Variants in CHRM3 observed in about 807,000 individuals in gnomAD.
CHRM3 encodes the protein muscarinic acetylcholine receptor M3.
CHRM3 carries 11 observed loss-of-function variants against 41.8 expected under a neutral mutation model. That is an observed-to-expected ratio of 0.26 (90% CI 0.17 to 0.44). The LOEUF is 0.44. Ranked by LOEUF, CHRM3 falls within the 20% of genes least tolerant of loss-of-function variation. The pLI, the probability that CHRM3 is intolerant of heterozygous loss-of-function variation, is 1.00. For missense variants in CHRM3, 571 were observed against 745.4 expected (o/e 0.77, Z 2.72); for synonymous variants, 297 against 301.4 (o/e 0.99, Z 0.15).
intron 5 of CHRM3, among the ~76,000 whole-genome samples, chr1:239,796,267 AG>A (rs1246131239): frequency 2.8e-4 from 43 of 152,342 alleles, no homozygotes; most frequent in African/African-American, 1.0e-3. Flanking sequence ...GAAAGAAAAT[AG>A]AATAATGATG....
chr1:239,835,580 C>T (rs1046567392), intron 6 of CHRM3, among the ~76,000 whole-genome samples: 10 of 152,056 alleles, frequency 6.6e-5, no homozygotes, highest in African/African-American at 2.2e-4. Flanking sequence ...GGTTTTCGAC[C>T]GTCAAAGCCT....
chr1:239,710,368 G>A (rs888277884), intron 5 of CHRM3, among the ~76,000 whole-genome samples: 5 of 152,086 alleles, frequency 3.3e-5, no homozygotes, highest in African/African-American at 1.2e-4. Flanking sequence ...GATCTAAGTT[G>A]GGCAAATATT....
At chr1:239,679,752 A>G (rs986242639) in intron 5 of CHRM3, among the ~76,000 whole-genome samples, 10 of 152,098 alleles carry the variant, frequency 6.6e-5, no homozygotes, top group African/African-American at 9.7e-5. Context: ...ACAAATTTGT[A>G]TGCATGATAA....
rs71168861 is a variant in CHRM3, at chr1:239,899,276, A to AGTGTGTGTGT, written c.-19-8134_-19-8125dup. On this transcript the variant is annotated intron_variant, in intron 6 of 6. Transcript: ENST00000676153. ...TAATTGGCTCTTGCATTTTGAACTC[A>AGTGTGTGTGT]GTGTGTGTGTGTGTGTGTGTGTGTG... 5.3e-3 allele frequency among the ~76,000 whole-genome samples: 707 copies of AGTGTGTGTGT among 134,616 alleles called. 8 individuals carry two copies. The highest frequency in any genetic ancestry group is 0.02 in the African/African-American group (646 of 32,712). The allele number at this position is 134,616 out of a possible 152,430, so 88.3% of individuals were successfully genotyped here. A position where few individuals can be genotyped will look rare whatever the true frequency, so the allele number is the denominator to read the frequency against.
intron 5 of CHRM3, among the ~76,000 whole-genome samples, chr1:239,752,551 T>C (rs982669890): frequency 1.3e-5 from 2 of 152,214 alleles, no homozygotes; most frequent in Admixed American, 6.5e-5. Flanking sequence ...ATTAGCTTGT[T>C]AGCAAAATAC....
chr1:239,559,287 G>A (rs762346244), intron 3 of CHRM3, among the ~76,000 whole-genome samples: 12 of 151,952 alleles, frequency 7.9e-5, no homozygotes, highest in Non-Finnish European at 1.8e-4. Flanking sequence ...ATATTTCTTG[G>A]GTTCATCAGT....
chr1:239,758,597 C>A (rs73122574), intron 5 of CHRM3, among the ~76,000 whole-genome samples: 3 of 152,098 alleles, frequency 2.0e-5, no homozygotes, highest in Non-Finnish European at 4.4e-5. Context: ...TTTGAGCTAA[C>A]TGAAATTATT....
chr1:239,799,735 A>G (rs896158343), intron 5 of CHRM3, among the ~76,000 whole-genome samples: 8 of 152,190 alleles, frequency 5.3e-5, no homozygotes, highest in African/African-American at 1.9e-4. Context: ...TCTGCCCAAC[A>G]TCAAACTGTA....
chr1:239,861,014 CCTTACAAGTCA>C (rs1033485096), intron 6 of CHRM3, among the ~76,000 whole-genome samples: 3 of 152,018 alleles, frequency 2.0e-5, no homozygotes, highest in African/African-American at 7.2e-5. Flanking sequence ...ATCTCCAATA[CCTTACAAGTCA>C]CTTAGCAGGA....
rs200709945 is a variant in CHRM3 at position 239,631,117 on chromosome 1, A to G, written c.-312-1107A>G. Among the ~76,000 whole-genome samples, 25 of 152,320 alleles carry G rather than the reference A, an allele frequency of 1.6e-4. No homozygotes were observed. The East Asian group carries it at 4.8e-3, about 29-fold the overall frequency. On this transcript the variant is annotated intron_variant, in intron 3 of 6. Coordinates refer to ENST00000676153, the MANE Select transcript of CHRM3 (RefSeq NM_001375978.1). ...CTTGTGAGCATAAATGTGCTTCTCA[A>G]ACTGAAGAAGGAGCAATTACTCTTG...
rs372655279 is a variant in CHRM3, at chr1:239,609,543, A to T, written c.-312-22681A>T. ...GAATGTCTGGTTGTATGGTAGGTAT[A>T]TGTTTAAATTTTTAGGAAACTGCCA... On this transcript the variant is annotated intron_variant, in intron 3 of 6. Coordinates refer to ENST00000676153, the MANE Select transcript of CHRM3 (RefSeq NM_001375978.1). 4.6e-5 allele frequency among the ~76,000 whole-genome samples: 7 copies of T among 152,332 alleles called. No homozygotes were observed. In the East Asian group the frequency reaches 1.4e-3, roughly 29 times the overall value.
intron 6 of CHRM3, among the ~76,000 whole-genome samples, chr1:239,862,696 C>A (rs1015469479): frequency 6.6e-6 from 1 of 152,152 alleles, no homozygotes; most frequent in African/African-American, 2.4e-5. Flanking sequence ...ATGACTAAGA[C>A]TCCCAGTCTG....
At chr1:239,783,050 T>C (rs1314804177) in intron 5 of CHRM3, among the ~76,000 whole-genome samples, 2 of 152,058 alleles carry the variant, frequency 1.3e-5, no homozygotes, top group Admixed American at 1.3e-4. Flanking sequence ...GAATGCTTCA[T>C]ATAAACTTGA....
At chr1:239,866,481 G>A (rs1676120090) in intron 6 of CHRM3, among the ~76,000 whole-genome samples, 1 of 152,030 alleles carries the variant, frequency 6.6e-6, no homozygotes, top group African/African-American at 2.4e-5. Flanking sequence ...CAGCTGTAGA[G>A]CCCATGCTCT....
intron 5 of CHRM3, among the ~76,000 whole-genome samples, chr1:239,823,641 C>T (rs1672225467): frequency 6.6e-6 from 1 of 151,930 alleles, no homozygotes; most frequent in Non-Finnish European, 1.5e-5. Flanking sequence ...AATCATCCTT[C>T]AGAAGCAATT....
chr1:239,508,672 T>C (rs931699621), intron 2 of CHRM3, among the ~76,000 whole-genome samples: 14 of 152,196 alleles, frequency 9.2e-5, no homozygotes, highest in African/African-American at 3.1e-4. Flanking sequence ...CTAGAGCTTA[T>C]TAGCGAAGTG....
chr1:239,858,521 GAAAAAA>G (rs35735156), intron 6 of CHRM3, among the ~76,000 whole-genome samples: 2 of 143,714 alleles, frequency 1.4e-5, no homozygotes, highest in African/African-American at 5.2e-5. Context: ...TTTTCATTTG[GAAAAAA>G]AAAAAAAAAG....
rs60377043 is a variant in CHRM3 at position 239,830,521 on chromosome 1, G to C, written c.-20+3143G>C. ...GTTCGAGACCAGCCTGGACAATATG[G>C]TGAAACCCCGTCTCTATTAAAAATA... On this transcript the variant is annotated intron_variant, in intron 6 of 6. Transcript: ENST00000676153. Among the ~76,000 whole-genome samples the C allele has an allele frequency of 8.1e-3, 1,236 of 152,224 alleles. 19 individuals carry two copies. The highest frequency in any genetic ancestry group is 0.028 in the African/African-American group (1,161 of 41,534).
At chr1:239,432,144 G>C (rs559154277) in intron 1 of CHRM3, among the ~76,000 whole-genome samples, 1 of 152,070 alleles carries the variant, frequency 6.6e-6, no homozygotes, top group Non-Finnish European at 1.5e-5. Flanking sequence ...GTCATTTGTG[G>C]ATGGTGACTG....
Sources: gnomAD v4.1 joint callset for allele counts (sites outside exome capture counted in the v4.1 genomes callset) on GRCh38, gnomAD v4.1.1 for gene constraint, MANE v1.5 for transcripts, NCBI Gene and HGNC (gene_info 2026-07-23, HGNC 2026-07-21) for gene names.